The following ZNF385D variants were observed in gnomAD, a reference collection of about 807,000 sequenced individuals.
The protein encoded by ZNF385D is zinc finger protein 385D.
A neutral mutation model predicts 35.8 loss-of-function variants in ZNF385D; 15 were observed. The ratio of observed to expected loss-of-function variants is 0.42; its 90% CI spans 0.28 to 0.64. The LOEUF is 0.64. ZNF385D is among the 30% of genes least tolerant of loss of function. The pLI, the probability that ZNF385D is intolerant of heterozygous loss-of-function variation, is 0.23. For missense variants in ZNF385D, 474 were observed against 494.6 expected, an observed-to-expected ratio of 0.96 and a Z score of 0.39; for synonymous variants, 212 against 186.8, an observed-to-expected ratio of 1.13 and a Z score of -1.10.
intron 2 of ZNF385D, among the ~76,000 whole-genome samples, chr3:21,652,627 C>T (rs1476954963): frequency 6.8e-6 from 1 of 147,562 alleles, no homozygotes; most frequent in Non-Finnish European, 1.5e-5. Flanking sequence ...CTCCCCCCTC[C>T]CCCAACCCCA....
chr3:22,028,130 G>A (rs1697682089), intron 3 of ZNF385D, among the ~76,000 whole-genome samples: 1 of 152,160 alleles, frequency 6.6e-6, no homozygotes, highest in Non-Finnish European at 1.5e-5. Context: ...AAGCATGCTT[G>A]GAAAACTGGT....
At chr3:21,800,286 A>C (rs1258920342) in intron 3 of ZNF385D, among the ~76,000 whole-genome samples, 1 of 152,154 alleles carries the variant, frequency 6.6e-6, no homozygotes, top group African/African-American at 2.4e-5. Context: ...AAAAATGTTT[A>C]TTGGGCTTTT....
chr3:21,937,794 T>C lies in ZNF385D; in HGVS notation c.325+231023A>G, dbSNP rs140646003. On this transcript the variant is annotated intron_variant, in intron 3 of 5. Coordinates refer to the ZNF385D transcript ENST00000494108. The stretch of plus-strand genomic sequence containing the variant: ...TAAATGTTTTATACATTCTCTAAGG[T>C]CTTATCAACCCAATGCTTGCTTTAA... 2.5e-3 allele frequency among the ~76,000 whole-genome samples: 377 copies of C among 152,308 alleles called. 1 individual carries two copies. Among genetic ancestry groups the C allele is most frequent in the African/African-American group, 8.6e-3 (359 of 41,578 alleles).
At chr3:22,165,840 T>C (rs1237532710) in intron 3 of ZNF385D, among the ~76,000 whole-genome samples, 2 of 152,148 alleles carry the variant, frequency 1.3e-5, no homozygotes, top group Admixed American at 1.3e-4. Flanking sequence ...GAAACTTAAA[T>C]TAACTATTAA....
intron 3 of ZNF385D, among the ~76,000 whole-genome samples, chr3:21,985,340 C>G (rs2125381361): frequency 8.9e-6 from 1 of 111,800 alleles, no homozygotes; most frequent in East Asian, 2.2e-4. Context: ...AAATACGTCC[C>G]ATCAATACCT....
chr3:21,787,720 T>G (rs997673636), intron 3 of ZNF385D, among the ~76,000 whole-genome samples: 13 of 151,988 alleles, frequency 8.6e-5, no homozygotes, highest in African/African-American at 2.7e-4. Flanking sequence ...CACAACATAT[T>G]TGAGGAAAGC....
intron 2 of ZNF385D, among the ~76,000 whole-genome samples, chr3:22,340,930 A>AT: frequency 6.6e-6 from 1 of 152,286 alleles, no homozygotes; most frequent in Non-Finnish European, 1.5e-5. Flanking sequence ...TCCTTTGTAT[A>AT]TTCTATCTCT....
intron 3 of ZNF385D, among the ~76,000 whole-genome samples, chr3:22,144,683 C>T (rs1196672151): frequency 1.3e-5 from 2 of 148,508 alleles, no homozygotes; most frequent in Non-Finnish European, 3.0e-5. Context: ...ACCAATAGTA[C>T]ATAGTGATCA....
intron 5 of ZNF385D, among the ~76,000 whole-genome samples, chr3:21,432,546 C>T (rs368663353): frequency 6.6e-5 from 10 of 151,644 alleles, no homozygotes; most frequent in African/African-American, 2.4e-4. Flanking sequence ...GGAAAACCAT[C>T]AAAATTAGCT....
chr3:21,827,210 C>G (rs184578071), intron 3 of ZNF385D, among the ~76,000 whole-genome samples: 64 of 152,232 alleles, frequency 4.2e-4, no homozygotes, highest in African/African-American at 1.4e-3. Context: ...TTATGTCACA[C>G]CTCCCTCAGG....
In ZNF385D at chr3:21,419,463, C is replaced by G. The variant is rs191412353; in HGVS notation, c.*1751G>C. ...ATGGTTTCCTCTTGATTCTTTATACCTCTCCAAGGGTTACAACACTTTGAG... is the reference window on the plus strand; with the variant it reads ...ATGGTTTCCTCTTGATTCTTTATACGTCTCCAAGGGTTACAACACTTTGAG... On this transcript the variant is annotated 3_prime_UTR_variant, in exon 8 of 8. Coordinates refer to ENST00000281523, the MANE Select transcript of ZNF385D (RefSeq NM_024697.3). 1.4e-4 allele frequency: 21 copies of G among 152,120 alleles called. No homozygotes were observed. The East Asian group carries it at 3.1e-3, about 22-fold the overall frequency. 9.4% of individuals were successfully genotyped at this position (152,120 alleles called of 1,614,324 possible). A position where few individuals can be genotyped will look rare whatever the true frequency, so the allele number is the denominator to read the frequency against.
chr3:21,872,906 T>C (rs1015192353), intron 3 of ZNF385D, among the ~76,000 whole-genome samples: 1 of 152,166 alleles, frequency 6.6e-6, no homozygotes, highest in African/African-American at 2.4e-5. Context: ...AAAACAGTTT[T>C]AACTAGTATT....
intron 3 of ZNF385D, among the ~76,000 whole-genome samples, chr3:21,910,053 T>C (rs1394221673): frequency 6.7e-6 from 1 of 149,648 alleles, no homozygotes; most frequent in Non-Finnish European, 1.5e-5. Context: ...GTATGTATAG[T>C]CCCAATTAGC....
intron 2 of ZNF385D, among the ~76,000 whole-genome samples, chr3:22,188,948 G>A (rs1398416401): frequency 6.6e-6 from 1 of 152,110 alleles, no homozygotes; most frequent in African/African-American, 2.4e-5. Context: ...CAATCCAGCT[G>A]GATTGCTGCT....
chr3:21,590,716 A>T (rs1280054334), intron 2 of ZNF385D, among the ~76,000 whole-genome samples: 1 of 152,106 alleles, frequency 6.6e-6, no homozygotes, highest in East Asian at 1.9e-4. Context: ...AGGATGTAGT[A>T]TTAAACCCCA....
intron 2 of ZNF385D, among the ~76,000 whole-genome samples, chr3:22,232,634 T>C (rs775192407): frequency 2.0e-5 from 3 of 152,094 alleles, no homozygotes; most frequent in Non-Finnish European, 4.4e-5. Context: ...TGAGAACATG[T>C]GGTGTTTGGT....
intron 2 of ZNF385D, among the ~76,000 whole-genome samples, chr3:22,368,063 T>C (rs1178204212): frequency 1.3e-5 from 2 of 152,236 alleles, no homozygotes; most frequent in Non-Finnish European, 2.9e-5. Context: ...AAGACCTGTT[T>C]TGAAATGCTA....
intron 2 of ZNF385D, among the ~76,000 whole-genome samples, chr3:22,325,918 G>A (rs930710979): frequency 2.0e-5 from 3 of 152,134 alleles, no homozygotes; most frequent in South Asian, 2.1e-4. Context: ...AAATACAGGG[G>A]AAATTTTCTA....
chr3:22,266,812 T>C (rs147711343), intron 2 of ZNF385D, among the ~76,000 whole-genome samples: 1 of 151,952 alleles, frequency 6.6e-6, no homozygotes, highest in Non-Finnish European at 1.5e-5. Context: ...AAGTCCTGAC[T>C]GTATGATGAT....
Sources: gnomAD v4.1 joint callset for allele counts (sites outside exome capture counted in the v4.1 genomes callset) on GRCh38, gnomAD v4.1.1 for gene constraint, MANE v1.5 for transcripts, NCBI Gene and HGNC (gene_info 2026-07-23, HGNC 2026-07-21) for gene names.